Variants in SPCS2 observed in about 807,000 individuals in gnomAD.
SPCS2 encodes signal peptidase complex subunit 2, also known as SPase 25 kDa subunit.
In SPCS2, 3 loss-of-function variants were observed where a neutral mutation model predicts 22.3. The observed-to-expected ratio is 0.13, with a 90% confidence interval of 0.06 to 0.35. The LOEUF (loss-of-function observed/expected upper bound fraction) is 0.35. Ranked by LOEUF, SPCS2 falls within the 10% of genes least tolerant of loss-of-function variation. The probability of loss-of-function intolerance (pLI) is 1.00; values close to 1 mark genes in which losing one functional copy is unlikely to be tolerated. For missense variants in SPCS2, 169 were observed against 280.9 expected, an observed-to-expected ratio of 0.60 and a Z score of 2.85; for synonymous variants, 67 against 97.2, an observed-to-expected ratio of 0.69 and a Z score of 1.83.
At chr11:74,969,174 C>T (rs550573355) in intron 3 of SPCS2, among the ~76,000 whole-genome samples, 9 of 152,226 alleles carry the variant, frequency 5.9e-5, no homozygotes, top group African/African-American at 1.9e-4. Context: ...TCTTAATAAC[C>T]CTTAAAATCA....
At chr11:74,964,899 C>G (rs1948534794) in intron 1 of SPCS2, 135 bp from the exon 2 acceptor site, 2 of 615,412 alleles carry the variant, frequency 3.2e-6, no homozygotes, top group African/African-American at 1.9e-5. Flanking sequence ...CCTGTTTTGT[C>G]TTTTAGTTCT....
At chr11:74,965,176 G>A in intron 2 of SPCS2, 59 bp downstream of exon 2, 1 of 1,158,626 alleles carries the variant, frequency 8.6e-7, no homozygotes, top group Non-Finnish European at 1.2e-6. Context: ...TCTCTCCTGG[G>A]AAATCTTTTC....
chr11:74,951,521 A>G (rs1415407483), intron 1 of SPCS2, among the ~76,000 whole-genome samples: 1 of 152,090 alleles, frequency 6.6e-6, no homozygotes, highest in East Asian at 1.9e-4. Flanking sequence ...GATAAGAGTA[A>G]GAGCCTCGGC....
At chr11:74,971,085 T>C (rs117258637) in intron 4 of SPCS2, among the ~76,000 whole-genome samples, 2 of 152,210 alleles carry the variant, frequency 1.3e-5, no homozygotes, top group Non-Finnish European at 2.9e-5. Context: ...TTATGGACAT[T>C]TCATATGAAT....
At chr11:74,974,979 G>A (rs1281010796) in intron 4 of SPCS2, among the ~76,000 whole-genome samples, 1 of 152,128 alleles carries the variant, frequency 6.6e-6, no homozygotes, top group Non-Finnish European at 1.5e-5. Context: ...TCCCAGGACA[G>A]CAAGCAAAGT....
chr11:74,969,163 CT>C lies in SPCS2; in HGVS notation c.360-401del, dbSNP rs1948566707. ...GTAAACTATTTGGGTCACTTTTCTTCTCTTAATAACCCTTAAAATCAGTTGA... is the reference window on the plus strand; with the variant it reads ...GTAAACTATTTGGGTCACTTTTCTTCCTTAATAACCCTTAAAATCAGTTGA... On this transcript the variant is annotated intron_variant, in intron 3 of 4. Transcript: ENST00000263672. Among the ~76,000 whole-genome samples the C allele has an allele frequency of 2.6e-5, 4 of 152,304 alleles. No individual in the cohort carries two copies. In the South Asian group the frequency reaches 6.2e-4, roughly 24 times the overall value.
chr11:74,958,824 G>A (rs1948493900), intron 1 of SPCS2, among the ~76,000 whole-genome samples: 1 of 151,916 alleles, frequency 6.6e-6, no homozygotes, highest in African/African-American at 2.4e-5. Flanking sequence ...GCTCTGTTGA[G>A]CATTGAGGCT....
chr11:74,973,769 G>C (rs1371870837), intron 4 of SPCS2, among the ~76,000 whole-genome samples: 6 of 151,734 alleles, frequency 4.0e-5, no homozygotes, highest in Non-Finnish European at 8.8e-5. Flanking sequence ...TCGGTTTTTT[G>C]TTGTTGGGAA....
intron 1 of SPCS2, among the ~76,000 whole-genome samples, chr11:74,962,630 G>A (rs942310413): frequency 6.6e-6 from 1 of 151,774 alleles, no homozygotes; most frequent in Non-Finnish European, 1.5e-5. Context: ...TTTAGTTGAT[G>A]AGCAGTTTTT....
intron 1 of SPCS2, among the ~76,000 whole-genome samples, chr11:74,954,262 G>A (rs1034672842): frequency 6.6e-6 from 1 of 152,190 alleles, no homozygotes; most frequent in Non-Finnish European, 1.5e-5. Context: ...GCCTCATTTT[G>A]TAGACAAGGA....
At chr11:74,950,103 G>T (rs1393693769) in intron 1 of SPCS2, among the ~76,000 whole-genome samples, 1 of 151,912 alleles carries the variant, frequency 6.6e-6, no homozygotes, top group Non-Finnish European at 1.5e-5. Context: ...GGGTTTAAAA[G>T]AAAAGAAAAA....
At chr11:74,976,549 A>C (rs1948615104) in intron 4 of SPCS2, among the ~76,000 whole-genome samples, 1 of 152,210 alleles carries the variant, frequency 6.6e-6, no homozygotes, top group African/African-American at 2.4e-5. Flanking sequence ...CCTGTCTAGC[A>C]TGGCAAATAC....
chr11:74,953,267 A>T (rs1342839931), intron 1 of SPCS2, among the ~76,000 whole-genome samples: 4 of 150,178 alleles, frequency 2.7e-5, no homozygotes, highest in Non-Finnish European at 4.4e-5. Context: ...ATCTCCACTC[A>T]CTGCAACCCC....
chr11:74,957,187 A>G (rs1948484744), intron 1 of SPCS2, among the ~76,000 whole-genome samples: 2 of 152,234 alleles, frequency 1.3e-5, no homozygotes, highest in African/African-American at 4.8e-5. Context: ...ATTAATTTAA[A>G]GAAAATAAAG....
chr11:74,975,439 A>G (rs1243255345), intron 4 of SPCS2, among the ~76,000 whole-genome samples: 2 of 152,178 alleles, frequency 1.3e-5, no homozygotes, highest in Non-Finnish European at 2.9e-5. Context: ...ACTGCCGTAT[A>G]TCCTTACCAT....
At chr11:74,963,896 G>T (rs1263201444) in intron 1 of SPCS2, among the ~76,000 whole-genome samples, 1 of 152,100 alleles carries the variant, frequency 6.6e-6, no homozygotes, top group Non-Finnish European at 1.5e-5. Context: ...GCCATTAATG[G>T]TCTACAAAAA....
At chr11:74,959,309 G>T (rs1232807483) in intron 1 of SPCS2, among the ~76,000 whole-genome samples, 1 of 152,168 alleles carries the variant, frequency 6.6e-6, no homozygotes, top group African/African-American at 2.4e-5. Context: ...TTTTCACTGT[G>T]ATTAAAATAA....
rs556084229 is a variant in SPCS2, at chr11:74,967,354, T to C, written c.359+1431T>C. Among the ~76,000 whole-genome samples the C allele has an allele frequency of 1.2e-4, 18 of 152,302 alleles. No individual in the cohort carries two copies. The South Asian group carries it at 3.7e-3, about 32-fold the overall frequency. On this transcript the variant is annotated intron_variant, in intron 3 of 4. Transcript: ENST00000263672. ...CAAATATCTGGCCTCCCAAGAGAACTACCTTGATGGTAATTCATTTGTTTG... is the reference window on the plus strand; with the variant it reads ...CAAATATCTGGCCTCCCAAGAGAACCACCTTGATGGTAATTCATTTGTTTG...
At chr11:74,952,229 G>A (rs1452824979) in intron 1 of SPCS2, among the ~76,000 whole-genome samples, 1 of 152,138 alleles carries the variant, frequency 6.6e-6, no homozygotes, top group Non-Finnish European at 1.5e-5. Flanking sequence ...CATGTTATTA[G>A]GTTGGTGCAA....
Sources: gnomAD v4.1 joint callset for allele counts (sites outside exome capture counted in the v4.1 genomes callset) on GRCh38, gnomAD v4.1.1 for gene constraint, MANE v1.5 for transcripts, NCBI Gene and HGNC (gene_info 2026-07-23, HGNC 2026-07-21) for gene names.